BIRC2: variants seen among roughly 807,000 people sequenced by gnomAD.
The protein encoded by BIRC2 is baculoviral IAP repeat-containing protein 2.
Under a neutral mutation model 60.9 loss-of-function variants are expected in BIRC2, and 18 were observed. The ratio of observed to expected loss-of-function variants is 0.30; its 90% confidence interval spans 0.20 to 0.44. The LOEUF is 0.44. BIRC2 is among the 20% of genes least tolerant of loss of function. BIRC2 has a pLI of 1.00. For missense variants in BIRC2, 701 were observed against 728.5 expected (o/e 0.96, Z 0.43); for synonymous variants, 282 against 247.7 (o/e 1.14, Z -1.30).
rs1402571063 is a variant in BIRC2, at chr11:102,348,729, A to G, written c.-1126A>G. On this transcript the variant is annotated 5_prime_UTR_variant, in exon 2 of 9. Coordinates refer to ENST00000227758, the MANE Select transcript of BIRC2 (RefSeq NM_001166.5). Reference sequence around the variant, plus strand: ...TGGAGTGTAATTTTGTGTATGAATTATATTTTTAAAACATTGAAGAGTTTT... The same window carrying G: ...TGGAGTGTAATTTTGTGTATGAATTGTATTTTTAAAACATTGAAGAGTTTT... The G allele has an allele frequency of 2.5e-6, 1 of 402,260 alleles. No individual in the cohort carries two copies. Among genetic ancestry groups the G allele is most frequent in the South Asian group, 1.9e-5 (1 of 53,474 alleles). 24.9% of individuals were successfully genotyped at this position (402,260 alleles called of 1,614,324 possible). A position where few individuals can be genotyped will look rare whatever the true frequency, so the allele number is the denominator to read the frequency against.
chr11:102,373,752 C>T lies in BIRC2; in HGVS notation c.1367-3744C>T, dbSNP rs1400389004. Among the ~76,000 whole-genome samples, 21 of 151,800 alleles carry T rather than the reference C, an allele frequency of 1.4e-4. No individual in the cohort carries two copies. In the East Asian group the frequency reaches 3.9e-3, roughly 28 times the overall value. On this transcript the variant is annotated intron_variant, in intron 6 of 8. Coordinates refer to ENST00000227758, the MANE Select transcript of BIRC2 (RefSeq NM_001166.5). ...TGGGGAAGTTCTCCTGGATAATATC[C>T]TGCAGAGTGTTTTCCAACTTGGTTC...
In BIRC2 at chr11:102,354,739, T is replaced by G. The variant is rs539332491; in HGVS notation, c.995+3796T>G. Among the ~76,000 whole-genome samples, 6 of 152,318 alleles carry G rather than the reference T, an allele frequency of 3.9e-5. No homozygotes were observed. In the East Asian group the frequency reaches 9.6e-4, roughly 24 times the overall value. ...TCAAGGGTTCCCTTTTCTTCACATC[T>G]TTGCCAACTTTTGTTATTTCTTGTC... On this transcript the variant is annotated intron_variant, in intron 3 of 8. Transcript: ENST00000227758.
At chr11:102,371,598 T>C (rs763395718) in intron 6 of BIRC2, among the ~76,000 whole-genome samples, 54 of 147,944 alleles carry the variant, frequency 3.7e-4, no homozygotes, top group Non-Finnish European at 7.9e-4. Flanking sequence ...TTTGCATCAA[T>C]GTTCATCAAG....
chr11:102,373,723 A>G (rs1951664132), intron 6 of BIRC2, among the ~76,000 whole-genome samples: 1 of 150,880 alleles, frequency 6.6e-6, no homozygotes, highest in Admixed American at 6.6e-5. Context: ...CTGCCTTGCT[A>G]GATTGGGGAA....
intron 6 of BIRC2, among the ~76,000 whole-genome samples, chr11:102,370,241 A>G (rs1348586716): frequency 1.3e-5 from 2 of 148,282 alleles, no homozygotes; most frequent in African/African-American, 5.0e-5. Flanking sequence ...GTCCTTGCCC[A>G]TGCCTATGTC....
chr11:102,375,800 T>A (rs965305590), intron 6 of BIRC2, among the ~76,000 whole-genome samples: 3 of 150,954 alleles, frequency 2.0e-5, no homozygotes, highest in African/African-American at 7.3e-5. Flanking sequence ...AAAAAAAAAT[T>A]CCAGTTCTAT....
In BIRC2 at chr11:102,349,345, A is replaced by AT. The variant is rs954040508; in HGVS notation, c.-504dup. ...CTTTTGTTTATTGGAATAAAATGAG[A>AT]TTTTTTGGGTTGTCATGTTAAAGTG... On this transcript the variant is annotated 5_prime_UTR_variant, in exon 2 of 9. It removes the in-frame stop codon of an upstream open reading frame in the 5' UTR. Coordinates refer to ENST00000227758, the MANE Select transcript of BIRC2 (RefSeq NM_001166.5). The AT allele has an allele frequency of 5.9e-5, 9 of 152,404 alleles. No homozygotes were observed. Among genetic ancestry groups the AT allele is most frequent in the South Asian group, 2.1e-4 (1 of 4,846 alleles). The allele number at this position is 152,404 out of a possible 1,614,324, so 9.4% of individuals were successfully genotyped here. A position where few individuals can be genotyped will look rare whatever the true frequency, so the allele number is the denominator to read the frequency against.
At chr11:102,356,822 G>GT (rs780769142) in intron 3 of BIRC2, among the ~76,000 whole-genome samples, 6 of 151,766 alleles carry the variant, frequency 4.0e-5, no homozygotes, top group Non-Finnish European at 8.8e-5. Context: ...GGGACCACAG[G>GT]TGCATGCCAC....
chr11:102,362,694 A>C (rs1951498471), intron 3 of BIRC2: 1 of 451,360 alleles, frequency 2.2e-6, no homozygotes, highest in South Asian at 3.9e-5. Context: ...ATTAGAAAAT[A>C]CCGTGATATA....
chr11:102,353,373 C>T (rs1004661171), intron 3 of BIRC2, among the ~76,000 whole-genome samples: 1 of 152,074 alleles, frequency 6.6e-6, no homozygotes, highest in Non-Finnish European at 1.5e-5. Context: ...TCACCTATCA[C>T]TGCTGGAGTG....
intron 5 of BIRC2, among the ~76,000 whole-genome samples, chr11:102,367,247 A>G (rs1315150686): frequency 6.6e-6 from 1 of 151,932 alleles, no homozygotes; most frequent in Non-Finnish European, 1.5e-5. Context: ...TTTTCACAGT[A>G]GTCCAGCATA....
rs1190856623 is a variant in BIRC2, at chr11:102,371,571, GTATTT to G, written c.1366+3028_1366+3032del. Among the ~76,000 whole-genome samples the G allele has an allele frequency of 2.0e-5, 3 of 147,860 alleles. 1 individual carries two copies. Among genetic ancestry groups the G allele is most frequent in the African/African-American group, 7.6e-5 (3 of 39,564 alleles). On this transcript the variant is annotated intron_variant, in intron 6 of 8. Transcript: ENST00000227758. The stretch of plus-strand genomic sequence containing the variant: ...ATATGCTGCTGGATTCGTTTTGCCA[GTATTT>G]TATTGAGGATTTTTGCATCAATGTT...
chr11:102,348,101 C>G (rs1333896310), intron 1 of BIRC2, among the ~76,000 whole-genome samples: 1 of 152,154 alleles, frequency 6.6e-6, no homozygotes, highest in Non-Finnish European at 1.5e-5. Flanking sequence ...AAGGGAATGG[C>G]AGAGTTTAAG....
At chr11:102,353,403 C>T (rs1025395602) in intron 3 of BIRC2, among the ~76,000 whole-genome samples, 41 of 152,272 alleles carry the variant, frequency 2.7e-4, no homozygotes, top group Middle Eastern at 3.4e-3. Context: ...GATGGCAGTT[C>T]ACTGCAACCT....
chr11:102,358,381 A>T (rs2135809879), intron 3 of BIRC2, among the ~76,000 whole-genome samples: 1 of 152,312 alleles, frequency 6.6e-6, no homozygotes, highest in Non-Finnish European at 1.5e-5. Context: ...CAGCTGGTAA[A>T]CATAAGGCAG....
chr11:102,348,089 G>GT (rs1250199730), intron 1 of BIRC2, among the ~76,000 whole-genome samples: 1 of 152,170 alleles, frequency 6.6e-6, no homozygotes, highest in Non-Finnish European at 1.5e-5. Flanking sequence ...CTTTGAAATT[G>GT]TAAGGGAATG....
In BIRC2 at chr11:102,348,635, T is replaced by TC; in HGVS notation, c.-1215dup. 3.5e-6 allele frequency: 1 copy of TC among 288,220 alleles called. No homozygotes were observed. Among genetic ancestry groups the TC allele is most frequent in the Non-Finnish European group, 6.8e-6 (1 of 146,588 alleles). The allele number at this position is 288,220 out of a possible 1,614,324, so 17.9% of individuals were successfully genotyped here. A position where few individuals can be genotyped will look rare whatever the true frequency, so the allele number is the denominator to read the frequency against. On this transcript the variant is annotated 5_prime_UTR_variant, in exon 2 of 9. Coordinates refer to ENST00000227758, the MANE Select transcript of BIRC2 (RefSeq NM_001166.5). ...GAAGAATCTCCCTATCCCTATTTTG[T>TC]CCCCCTGCAGTAATAAATCCCATTA...
Position 102,349,837 on chromosome 11 carries a change from C to G in BIRC2, c.-18C>G. The stretch of plus-strand genomic sequence containing the variant: ...TCATGTGAATGTTTTAGCTATCAAA[C>G]AGTACTGTCACCTACTCATGCACAA... On this transcript the variant is annotated 5_prime_UTR_variant, in exon 2 of 9. Coordinates refer to ENST00000227758, the MANE Select transcript of BIRC2 (RefSeq NM_001166.5). 2.6e-6 allele frequency: 4 copies of G among 1,549,618 alleles called. No individual in the cohort carries two copies. Among genetic ancestry groups the G allele is most frequent in the Non-Finnish European group, 2.6e-6 (3 of 1,150,084 alleles).
At position 102,350,028 on chromosome 11, in the gene BIRC2, C is replaced by T. The variant is rs570604037; in HGVS notation, c.174C>T (p.Ala58=). Residue 58 remains alanine, a synonymous_variant, in exon 2 of 9, where the codon GCC becomes GCT. Transcript: ENST00000227758. ...YRMSTYSTFP[A]GVPVSERSLA... is the part of the protein sequence containing the mutation. ...TGTCTACATATTCAACTTTCCCCGC[C>T]GGGGTGCCTGTCTCAGAAAGGAGTC... 136 of 1,614,202 alleles carry T rather than the reference C, an allele frequency of 8.4e-5. 1 individual carries two copies. The South Asian group carries it at 1.1e-3, about 13-fold the overall frequency.
Sources: allele counts gnomAD v4.1 joint callset (sites outside exome capture counted in the v4.1 genomes callset), GRCh38; gene constraint gnomAD v4.1.1; transcripts MANE v1.5; gene names NCBI Gene and HGNC (gene_info 2026-07-23, HGNC 2026-07-21).